The following PAIP2B variants were observed in gnomAD, a reference collection of about 807,000 sequenced individuals.
The protein encoded by PAIP2B is polyadenylate-binding protein-interacting protein 2B.
PAIP2B carries 13 observed loss-of-function variants against 17.0 expected under a neutral mutation model. That is an observed-to-expected ratio of 0.76 (90% CI 0.50 to 1.22). The LOEUF (loss-of-function observed/expected upper bound fraction) is 1.22, where lower values mean the gene tolerates loss of function less well. Ranked by LOEUF, PAIP2B falls within the 50% of genes most tolerant of loss-of-function variation. PAIP2B has a pLI of 0.00. For synonymous variants in PAIP2B, 43 were observed against 48.7 expected, an observed-to-expected ratio of 0.88 and a Z score of 0.48; for missense variants, 117 against 144.5, an observed-to-expected ratio of 0.81 and a Z score of 0.98.
At chr2:71,213,634 A>C in intron 1 of PAIP2B, among the ~76,000 whole-genome samples, 1 of 152,250 alleles carries the variant, frequency 6.6e-6, no homozygotes, top group Non-Finnish European at 1.5e-5. Flanking sequence ...TATTAGGCCC[A>C]TATAAAATTC....
chr2:71,195,503 T>G (rs1431581369), intron 2 of PAIP2B, among the ~76,000 whole-genome samples: 1 of 152,232 alleles, frequency 6.6e-6, no homozygotes, highest in East Asian at 1.9e-4. Context: ...CTAGTTCATG[T>G]GTGTAGTGCT....
In PAIP2B at chr2:71,188,262, C is replaced by T. The variant is rs1386972739; in HGVS notation, c.*217G>A. On this transcript the variant is annotated 3_prime_UTR_variant, in exon 4 of 4. Coordinates refer to ENST00000244221, the MANE Select transcript of PAIP2B (RefSeq NM_020459.1). The stretch of plus-strand genomic sequence containing the variant: ...ATTTAAAAAAACAAAACAGGAAACT[C>T]CCCAAACAAAAGTCAGCAGAACAAA... The T allele has an allele frequency of 7.9e-6, 4 of 506,208 alleles. No individual in the cohort carries two copies. The allele number at this position is 506,208 out of a possible 1,614,324, so 31.4% of individuals were successfully genotyped here.
chr2:71,189,766 G>A, intron 3 of PAIP2B, 79 bp downstream of exon 3: 1 of 1,365,462 alleles, frequency 7.3e-7, no homozygotes, highest in Non-Finnish European at 9.8e-7. Context: ...GAGGGTTGTA[G>A]GGCTGGAAAG....
Position 71,183,433 on chromosome 2 carries a change from G to A in PAIP2B, c.*5046C>T, listed in dbSNP as rs1195498591. The A allele has an allele frequency of 8.9e-6, 1 of 112,508 alleles. No individual in the cohort carries two copies. Among genetic ancestry groups the A allele is most frequent in the Non-Finnish European group, 1.8e-5 (1 of 55,730 alleles). 7.0% of individuals were successfully genotyped at this position (112,508 alleles called of 1,614,324 possible). ...TTCTGCAGCAGTTCTGGCTCTGGAT[G>A]ACAAAGCTCATTCTGATTAGTAGTT... is the stretch of plus-strand genomic sequence containing the variant. On this transcript the variant is annotated 3_prime_UTR_variant, in exon 4 of 4. Coordinates refer to ENST00000244221, the MANE Select transcript of PAIP2B (RefSeq NM_020459.1).
chr2:71,204,401 GTTTTTTGTTTTTA>G (rs1369643524), intron 1 of PAIP2B, among the ~76,000 whole-genome samples: 2 of 152,038 alleles, frequency 1.3e-5, no homozygotes, highest in East Asian at 3.9e-4. Flanking sequence ...CTCTTTAAAG[GTTTTTTGTTTTTA>G]TTTTTTGTTT....
At chr2:71,226,459 C>G (rs1183664252) in intron 1 of PAIP2B, among the ~76,000 whole-genome samples, 1 of 152,114 alleles carries the variant, frequency 6.6e-6, no homozygotes, top group African/African-American at 2.4e-5. Flanking sequence ...AGGCAGAGGA[C>G]GCGCAGGGGC....
At chr2:71,198,957 G>C (rs960744075) in intron 2 of PAIP2B, among the ~76,000 whole-genome samples, 1 of 151,854 alleles carries the variant, frequency 6.6e-6, no homozygotes, top group South Asian at 2.1e-4. Context: ...GATGATCTTT[G>C]TTCCTATTCA....
chr2:71,209,240 A>G (rs1675225703), intron 1 of PAIP2B, among the ~76,000 whole-genome samples: 1 of 152,202 alleles, frequency 6.6e-6, no homozygotes, highest in Admixed American at 6.5e-5. Context: ...CCAAGGGAAG[A>G]GGCAGGAACA....
chr2:71,226,264 C>T (rs1279184567), intron 1 of PAIP2B, among the ~76,000 whole-genome samples: 1 of 152,162 alleles, frequency 6.6e-6, no homozygotes, highest in East Asian at 1.9e-4. Context: ...CTTCCAGCTG[C>T]CTGGAAGAGG....
In PAIP2B at chr2:71,183,620, G is replaced by T. The variant is rs1468718369; in HGVS notation, c.*4859C>A. The T allele has an allele frequency of 6.6e-6, 1 of 151,506 alleles. No homozygotes were observed. The highest frequency in any genetic ancestry group is 2.4e-5 in the African/African-American group (1 of 41,164). 9.4% of individuals were successfully genotyped at this position (151,506 alleles called of 1,614,324 possible). A position where few individuals can be genotyped will look rare whatever the true frequency, so the allele number is the denominator to read the frequency against. ...AGCAATAAAAGGAACAAACTACCAA[G>T]ACGTTATCTGTCATGGACAAACCTC... is the stretch of plus-strand genomic sequence containing the variant. On this transcript the variant is annotated 3_prime_UTR_variant, in exon 4 of 4. Transcript: ENST00000244221.
intron 2 of PAIP2B, among the ~76,000 whole-genome samples, chr2:71,197,576 G>A (rs768929684): frequency 9.2e-5 from 14 of 152,196 alleles, no homozygotes; most frequent in Non-Finnish European, 1.8e-4. Context: ...GGTTGGGGAA[G>A]TTTTCATGGA....
chr2:71,212,787 T>G (rs976212899), intron 1 of PAIP2B, among the ~76,000 whole-genome samples: 1 of 151,688 alleles, frequency 6.6e-6, no homozygotes, highest in Non-Finnish European at 1.5e-5. Context: ...AGGGTCTCAC[T>G]CTGTAGACCA....
At chr2:71,226,659 GA>G (rs1469343523) in intron 1 of PAIP2B, among the ~76,000 whole-genome samples, 2 of 151,714 alleles carry the variant, frequency 1.3e-5, no homozygotes, top group Non-Finnish European at 2.9e-5. Context: ...GAGTCGGGGG[GA>G]AACAGAGCAC....
intron 2 of PAIP2B, 60 bp from the exon 3 acceptor site, chr2:71,190,081 T>G: frequency 6.7e-7 from 1 of 1,483,470 alleles, no homozygotes; most frequent in Non-Finnish European, 9.1e-7. Context: ...CCCCTTCCAG[T>G]TTTTCCTCCA....
intron 1 of PAIP2B, among the ~76,000 whole-genome samples, chr2:71,212,816 C>G (rs1675334820): frequency 6.6e-6 from 1 of 151,734 alleles, no homozygotes; most frequent in African/African-American, 2.4e-5. Flanking sequence ...CTCAGTGGTG[C>G]AATCATAGCT....
chr2:71,190,432 AT>A (rs1674660107), intron 2 of PAIP2B, among the ~76,000 whole-genome samples: 2 of 152,196 alleles, frequency 1.3e-5, no homozygotes, highest in African/African-American at 4.8e-5. Context: ...TCTTTAAAAA[AT>A]AAAAATATAT....
intron 1 of PAIP2B, among the ~76,000 whole-genome samples, chr2:71,211,968 C>G (rs1271920955): frequency 6.6e-6 from 1 of 152,172 alleles, no homozygotes; most frequent in Non-Finnish European, 1.5e-5. Flanking sequence ...AATCAATTGT[C>G]CTCCCAGAAT....
chr2:71,215,752 T>C (rs1347967137), intron 1 of PAIP2B, among the ~76,000 whole-genome samples: 1 of 152,230 alleles, frequency 6.6e-6, no homozygotes, highest in African/African-American at 2.4e-5. Context: ...ATTCTACATA[T>C]GATGCCTAAG....
At chr2:71,208,910 T>A (rs577341508) in intron 1 of PAIP2B, among the ~76,000 whole-genome samples, 1 of 152,298 alleles carries the variant, frequency 6.6e-6, no homozygotes, top group Admixed American at 6.5e-5. Context: ...AGAAGGAAAG[T>A]GGCCCTCCTG....
Sources: gnomAD v4.1 joint callset for allele counts (sites outside exome capture counted in the v4.1 genomes callset) on GRCh38, gnomAD v4.1.1 for gene constraint, MANE v1.5 for transcripts, NCBI Gene and HGNC (gene_info 2026-07-23, HGNC 2026-07-21) for gene names.